Variants in ODF2 observed in about 807,000 individuals in gnomAD.
ODF2 encodes outer dense fiber of sperm tails 2, also known as outer dense fiber protein 2.
ODF2 carries 47 observed loss-of-function variants against 110.2 expected under a neutral mutation model. The ratio of observed to expected loss-of-function variants is 0.43; its 90% confidence interval spans 0.34 to 0.54. The LOEUF is 0.54. Among genes scored for constraint, ODF2 ranks in the 20% least tolerant of loss-of-function variants. The pLI, the probability that ODF2 is intolerant of heterozygous loss-of-function variation, is 0.03. For missense variants in ODF2, 812 were observed against 1,054.5 expected (o/e 0.77, Z 3.19); for synonymous variants, 352 against 397.7 (o/e 0.89, Z 1.37).
rs149516180 is a variant in ODF2, at chr9:128,496,776, G to A, written c.2012+635G>A. Among the ~76,000 whole-genome samples, 642 of 152,066 alleles carry A rather than the reference G, an allele frequency of 4.2e-3. 7 individuals are homozygous for A. The highest frequency in any genetic ancestry group is 0.015 in the African/African-American group (621 of 41,534). On this transcript the variant is annotated intron_variant, in intron 18 of 20. Transcript: ENST00000604420. ...ATCATGTCACTCTGTCACCCAGGCTGGAGTGCAGTGGTGCAATCTCAGCTC... is the reference window on the plus strand; with the variant it reads ...ATCATGTCACTCTGTCACCCAGGCTAGAGTGCAGTGGTGCAATCTCAGCTC...
upstream of ODF2, chr9:128,456,108 C>G (rs1834699138): frequency 6.5e-7 from 1 of 1,546,498 alleles, no homozygotes; most frequent in African/African-American, 1.4e-5. Flanking sequence ...GAGCTGCCGA[C>G]CGGGTGTCGG....
In ODF2 at chr9:128,475,377, TACA is replaced by T. The variant is rs574499342; in HGVS notation, c.843+1640_843+1642del. Among the ~76,000 whole-genome samples, 46 of 152,340 alleles carry T rather than the reference TACA, an allele frequency of 3.0e-4. No homozygotes were observed. The South Asian group carries it at 9.5e-3, about 32-fold the overall frequency. On this transcript the variant is annotated intron_variant, in intron 8 of 20. Transcript: ENST00000604420. ...GATAGTCAAATAAAAATTAATGATGTACAACATGTTTTGACATACGTACACAAT... is the reference window on the plus strand; with the variant it reads ...GATAGTCAAATAAAAATTAATGATGTACATGTTTTGACATACGTACACAAT...
At position 128,485,711 on chromosome 9, in the gene ODF2, C is replaced by T. The variant is rs116396079; in HGVS notation, c.1400+237C>T. Among the ~76,000 whole-genome samples, 593 of 152,202 alleles carry T rather than the reference C, an allele frequency of 3.9e-3. 4 individuals carry two copies. Among genetic ancestry groups the T allele is most frequent in the African/African-American group, 0.014 (576 of 41,516 alleles). ...CTACTGTCAGGCACTGGCTAGGGGC[C>T]GGGTCTTTCTGGTCAGAGGTGTGGG... On this transcript the variant is annotated intron_variant, in intron 13 of 20. Transcript: ENST00000604420. The surrounding 1 kb of genome is among the most constrained non-coding windows in gnomAD (Gnocchi z 5.0).
chr9:128,477,246 A>C (rs1327853340), intron 8 of ODF2, among the ~76,000 whole-genome samples: 5 of 150,950 alleles, frequency 3.3e-5, no homozygotes, highest in African/African-American at 4.9e-5. Context: ...AAAAAAAAAA[A>C]CCTGTTAATA....
chr9:128,455,553 C>CAAAAAAAAA (rs55634490), upstream of ODF2, among the ~76,000 whole-genome samples: 1 of 56,848 alleles, frequency 1.8e-5, no homozygotes. Context: ...GAATCTGTCT[C>CAAAAAAAAA]AAAAAAAAAA....
Position 128,485,053 on chromosome 9 carries a change from A to G in ODF2, c.1290+167A>G. 2 of 736,828 alleles carry G rather than the reference A, an allele frequency of 2.7e-6. No homozygotes were observed. The highest frequency in any genetic ancestry group is 4.5e-6 in the Non-Finnish European group (2 of 441,802). 45.6% of individuals were successfully genotyped at this position (736,828 alleles called of 1,614,324 possible). A position where few individuals can be genotyped will look rare whatever the true frequency, so the allele number is the denominator to read the frequency against. On this transcript the variant is annotated intron_variant, in intron 12 of 20. Transcript: ENST00000604420. The surrounding 1 kb of genome is among the most constrained non-coding windows in gnomAD (Gnocchi z 5.0). ...GAGGGAGAGGGAGTTAAGGGGATCA[A>G]ATGGGTAAAAGCTGGAGGGATGGGT...
chr9:128,460,330 C>T, intron 3 of ODF2: 1 of 1,429,980 alleles, frequency 7.0e-7, no homozygotes, highest in South Asian at 1.2e-5. Flanking sequence ...CTTGAGTGGA[C>T]CAGAATCTCC....
intron 6 of ODF2, 62 bp from the exon 7 acceptor site, chr9:128,472,851 C>T (rs1301539936): frequency 3.0e-5 from 49 of 1,607,514 alleles, no homozygotes; most frequent in Non-Finnish European, 3.1e-5. Context: ...GTGAGGCAAG[C>T]CTTGGATCTC....
chr9:128,467,742 C>T (rs1375448214), intron 4 of ODF2, among the ~76,000 whole-genome samples: 1 of 31,738 alleles, frequency 3.2e-5, no homozygotes, highest in Non-Finnish European at 7.0e-5. Context: ...GAGACCCTGT[C>T]TCAAAAAAAA....
exon 20 of ODF2, chr9:128,499,100 A>T: frequency 6.2e-7 from 1 of 1,614,088 alleles, no homozygotes; most frequent in Non-Finnish European, 8.5e-7. Context: ...AACGGAATTG[A>T]GCCAGCTGCG....
intron 13 of ODF2, 86 bp from the exon 14 acceptor site, chr9:128,487,804 A>AACACAC (rs5900801): frequency 1.3e-5 from 1 of 75,968 alleles, no homozygotes; most frequent in African/African-American, 9.3e-5. Flanking sequence ...AAACAAACAA[A>AACACAC]ACACACACAC....
At chr9:128,456,317 C>T (rs2131376970) in intron 1 of ODF2, 62 bp downstream of exon 1, 2 of 1,478,584 alleles carry the variant, frequency 1.4e-6, no homozygotes, top group South Asian at 1.3e-5. Flanking sequence ...GAGACCGTCG[C>T]CTTCGCACCC....
intron 14 of ODF2, among the ~76,000 whole-genome samples, chr9:128,491,548 C>A (rs376386578): frequency 2.0e-4 from 30 of 151,818 alleles, no homozygotes; most frequent in African/African-American, 7.0e-4. Context: ...CCTGTAATCC[C>A]AGCTACTCTG....
At position 128,485,690 on chromosome 9, in the gene ODF2, T is replaced by C. The variant is rs1843221944; in HGVS notation, c.1400+216T>C. 6.6e-6 allele frequency among the ~76,000 whole-genome samples: 1 copy of C among 152,194 alleles called. No homozygotes were observed. Among genetic ancestry groups the C allele is most frequent in the African/African-American group, 2.4e-5 (1 of 41,444 alleles). On this transcript the variant is annotated intron_variant, in intron 13 of 20. Transcript: ENST00000604420. The surrounding 1 kb of genome is among the most constrained non-coding windows in gnomAD (Gnocchi z 5.0). ...CCCTAGTCCTGGGGTCCTACCCTAC[T>C]GTCAGGCACTGGCTAGGGGCCGGGT...
intron 15 of ODF2, 60 bp downstream of exon 15, chr9:128,492,596 G>A (rs1359080994): frequency 1.3e-6 from 2 of 1,515,614 alleles, no homozygotes; most frequent in Admixed American, 3.5e-5. Flanking sequence ...CCATCAGACT[G>A]GGGGCTCCCT....
intron 13 of ODF2, among the ~76,000 whole-genome samples, chr9:128,486,355 C>T (rs923238813): frequency 5.3e-4 from 80 of 152,304 alleles, no homozygotes; most frequent in African/African-American, 1.7e-3. Flanking sequence ...ATACCTAAGA[C>T]AGAAGCATAC....
chr9:128,479,330 G>A (rs1390187342), intron 8 of ODF2, among the ~76,000 whole-genome samples: 2 of 152,214 alleles, frequency 1.3e-5, no homozygotes, highest in East Asian at 1.9e-4. Context: ...ATAGCCCAGT[G>A]AGAAAATGGG....
rs186103611 is a variant in ODF2, at chr9:128,466,773, C to T, written c.250-2410C>T. On this transcript the variant is annotated intron_variant, in intron 4 of 20. Transcript: ENST00000604420. ...CGGGCGGATCACAAGGTCAGGAGAT[C>T]GAGACCATCCTGGCTAACACAGTGA... is the stretch of plus-strand genomic sequence containing the variant. 9.6e-3 allele frequency among the ~76,000 whole-genome samples: 1,422 copies of T among 148,512 alleles called. 32 individuals are homozygous for T. Among genetic ancestry groups the T allele is most frequent in the East Asian group, 0.072 (361 of 5,044 alleles).
chr9:128,493,819 G>C (rs1845104898), intron 16 of ODF2, among the ~76,000 whole-genome samples: 1 of 152,122 alleles, frequency 6.6e-6, no homozygotes, highest in East Asian at 1.9e-4. Flanking sequence ...TTTTGAGACA[G>C]AGTCTTGCTG....
Sources: allele counts gnomAD v4.1 joint callset (sites outside exome capture counted in the v4.1 genomes callset), GRCh38; gene constraint gnomAD v4.1.1; non-coding constraint Gnocchi (gnomAD v3.1); transcripts MANE v1.5; gene names NCBI Gene and HGNC (gene_info 2026-07-23, HGNC 2026-07-21).